Variants in SLC7A9 observed in about 807,000 individuals in gnomAD.
The protein encoded by SLC7A9 is solute carrier family 7 member 9, also known as B(0,+)-type amino acid transporter 1.
SLC7A9 carries 38 observed loss-of-function variants against 54.1 expected under a neutral mutation model. That is an observed-to-expected ratio of 0.70 (90% confidence interval 0.54 to 0.92). The LOEUF is 0.92. SLC7A9 is among the 40% of genes least tolerant of loss of function. The probability of loss-of-function intolerance (pLI) is 0.00; values close to 1 mark genes in which losing one functional copy is unlikely to be tolerated. For synonymous variants in SLC7A9, 264 were observed against 258.9 expected (o/e 1.02, Z -0.19); for missense variants, 537 against 636.1 (o/e 0.84, Z 1.68).
chr19:32,840,809 G>C (rs1319775475), intron 11 of SLC7A9, among the ~76,000 whole-genome samples: 2 of 152,118 alleles, frequency 1.3e-5, no homozygotes, highest in East Asian at 3.9e-4. Context: ...TGAGAACCTC[G>C]TTCCACGTGC....
rs1218352469 is a variant in SLC7A9 at position 32,830,666 on chromosome 19, A to G, written c.1418T>C (p.Leu473Pro). The G allele has an allele frequency of 1.2e-6, 2 of 1,614,026 alleles. No individual in the cohort carries two copies. The highest frequency in any genetic ancestry group is 2.2e-5 in the East Asian group (1 of 44,876). Residue 473 changes from leucine (L) to proline (P), a missense_variant, in exon 13 of 13, where the codon CTT becomes CCT. By Grantham distance (98) the Leu-to-Pro change is moderately conservative (BLOSUM62 -3). Transcript: ENST00000023064. ...QKISKPITMH[L>P]QMLMEVVPPE... ...TGGGACCACTTCCATTAGCATCTGA[A>G]GGTGCATGGTAATCGGCTCTGAAAT...
intron 10 of SLC7A9, 26 bp downstream of exon 10, chr19:32,843,829 A>G (rs913944115): frequency 6.4e-7 from 1 of 1,570,138 alleles, no homozygotes; most frequent in African/African-American, 1.3e-5. Flanking sequence ...CCTTGAAGAT[A>G]GGCTGGTAGC....
At chr19:32,843,800 C>T in intron 10 of SLC7A9, 55 bp downstream of exon 10, 1 of 1,362,880 alleles carries the variant, frequency 7.3e-7, no homozygotes, top group Non-Finnish European at 1.1e-6. Flanking sequence ...CTTAGCACCC[C>T]ATGGATGGAG....
At chr19:32,864,426 C>G in intron 3 of SLC7A9, 88 bp from the exon 4 acceptor site, 2 of 1,584,614 alleles carry the variant, frequency 1.3e-6, no homozygotes, top group South Asian at 1.1e-5. Context: ...AGGCTGCGCT[C>G]GTATGGAGGG....
At chr19:32,832,379 G>A (rs988480784) in intron 12 of SLC7A9, among the ~76,000 whole-genome samples, 1 of 151,952 alleles carries the variant, frequency 6.6e-6, no homozygotes, top group Non-Finnish European at 1.5e-5. Context: ...CTAAGGTCAG[G>A]AGTTGGAGAC....
intron 11 of SLC7A9, among the ~76,000 whole-genome samples, chr19:32,835,310 TA>T (rs2038473400): frequency 6.6e-6 from 1 of 152,154 alleles, no homozygotes; most frequent in Non-Finnish European, 1.5e-5. Flanking sequence ...TGTTACAGTC[TA>T]AAAATAATTT....
intron 11 of SLC7A9, among the ~76,000 whole-genome samples, chr19:32,838,756 TACATATATACATATATGC>T (rs1968042229): frequency 1.3e-5 from 2 of 148,334 alleles, no homozygotes; most frequent in East Asian, 1.9e-4. Flanking sequence ...GATACACATA[TACATATATACATATATGC>T]ACATATATAC....
intron 9 of SLC7A9, among the ~76,000 whole-genome samples, chr19:32,853,038 T>C (rs970636918): frequency 2.6e-5 from 4 of 151,214 alleles, no homozygotes; most frequent in African/African-American, 9.7e-5. Flanking sequence ...CTCAGCCTCC[T>C]GAGTAGCTGG....
Position 32,862,139 on chromosome 19 carries a change from C to T in SLC7A9, c.683G>A (p.Gly228Glu). Residue 228 changes from glycine to glutamate, a missense_variant, in exon 6 of 13, where the codon GGA becomes GAA. Gly to Glu is a moderately conservative substitution (Grantham distance 98, BLOSUM62 -2). Transcript: ENST00000023064. ...VGAISLAFYN[G>E]LWAYDGWNQL... ...TCACCATCCATCATAGGCCCAGAGT[C>T]CATTGTAAAACGCCAGGCTGATGGC... 6.2e-7 allele frequency: 1 copy of T among 1,612,968 alleles called. No individual in the cohort carries two copies. Among genetic ancestry groups the T allele is most frequent in the South Asian group, 1.1e-5 (1 of 91,064 alleles).
chr19:32,845,892 T>G (rs1283457206), intron 9 of SLC7A9, among the ~76,000 whole-genome samples: 1 of 152,128 alleles, frequency 6.6e-6, no homozygotes, highest in Admixed American at 6.5e-5. Flanking sequence ...TAATCCCATC[T>G]ACTTGGGAGG....
chr19:32,860,188 C>T, intron 7 of SLC7A9: 2 of 1,484,374 alleles, frequency 1.3e-6, no homozygotes, highest in South Asian at 1.3e-5. Flanking sequence ...GAAGACCAAG[C>T]TCTTCCCTCC....
At chr19:32,832,792 C>G (rs1967843160) in intron 12 of SLC7A9, 4 of 299,286 alleles carry the variant, frequency 1.3e-5, no homozygotes, top group Non-Finnish European at 2.6e-5. Context: ...GCCTGTGGTC[C>G]CAGCTACTTG....
At chr19:32,845,258 G>T (rs1968253167) in intron 9 of SLC7A9, among the ~76,000 whole-genome samples, 1 of 152,162 alleles carries the variant, frequency 6.6e-6, no homozygotes, top group South Asian at 2.1e-4. Flanking sequence ...ACTTTGGGAG[G>T]CCGAGACAGG....
At chr19:32,863,575 G>C (rs1251370632) in intron 4 of SLC7A9, among the ~76,000 whole-genome samples, 1 of 152,046 alleles carries the variant, frequency 6.6e-6, no homozygotes, top group African/African-American at 2.4e-5. Flanking sequence ...TGACCAGGCT[G>C]ATCTCAAACT....
intron 11 of SLC7A9, among the ~76,000 whole-genome samples, chr19:32,835,400 A>C (rs1967927363): frequency 6.6e-6 from 1 of 152,238 alleles, no homozygotes; most frequent in Non-Finnish European, 1.5e-5. Flanking sequence ...TGGGCAATTA[A>C]TCTTTACAAC....
chr19:32,849,083 G>C (rs1968385603), intron 9 of SLC7A9, among the ~76,000 whole-genome samples: 1 of 151,940 alleles, frequency 6.6e-6, no homozygotes, highest in Non-Finnish European at 1.5e-5. Flanking sequence ...GAGAAAGCAG[G>C]AAAGATCCAA....
intron 2 of SLC7A9, among the ~76,000 whole-genome samples, chr19:32,866,381 C>G (rs1407296931): frequency 6.6e-6 from 1 of 152,166 alleles, no homozygotes; most frequent in Admixed American, 6.5e-5. Flanking sequence ...TGGGTGAGGT[C>G]TGCATTCGCC....
At chr19:32,853,932 AAAAC>A (rs372173725) in intron 9 of SLC7A9, among the ~76,000 whole-genome samples, 15 of 145,190 alleles carry the variant, frequency 1.0e-4, no homozygotes, top group Admixed American at 4.1e-4. Flanking sequence ...AAAAAAAAAA[AAAAC>A]ACCAACAAAC....
At chr19:32,843,669 G>A (rs751921680) in intron 10 of SLC7A9, among the ~76,000 whole-genome samples, 186 bp downstream of exon 10, 13 of 152,140 alleles carry the variant, frequency 8.5e-5, no homozygotes, top group Admixed American at 3.9e-4. Context: ...ACTGTCTTTC[G>A]TGGATAAATT....
Sources: allele counts gnomAD v4.1 joint callset (sites outside exome capture counted in the v4.1 genomes callset), GRCh38; gene constraint gnomAD v4.1.1; transcripts MANE v1.5; gene names NCBI Gene and HGNC (gene_info 2026-07-23, HGNC 2026-07-21).